Variants in ATP4A observed in about 807,000 individuals in gnomAD.
ATP4A encodes the protein potassium-transporting ATPase alpha chain 1.
A neutral mutation model predicts 112.1 loss-of-function variants in ATP4A; 73 were observed. The ratio of observed to expected loss-of-function variants is 0.65; its 90% CI spans 0.54 to 0.79. The LOEUF is 0.79. Ranked by LOEUF, ATP4A falls within the 30% of genes least tolerant of loss-of-function variation. The probability of loss-of-function intolerance (pLI) is 0.00; values close to 1 mark genes in which losing one functional copy is unlikely to be tolerated. For synonymous variants in ATP4A, 588 were observed against 588.9 expected (o/e 1.00, Z 0.02); for missense variants, 1,081 against 1,425.9 (o/e 0.76, Z 3.90).
chr19:35,557,775 C>T lies in ATP4A; in HGVS notation c.1573G>A (p.Val525Met). 6.3e-7 allele frequency: 1 copy of T among 1,585,050 alleles called. No individual in the cohort carries two copies. Among genetic ancestry groups the T allele is most frequent in the South Asian group, 1.1e-5 (1 of 89,706 alleles). ...AGGATGGAGCTGCAGCGCTCCAGCACGCGCTCGGGGGCGCCCTTCATCACC... is the reference window on the plus strand; with the variant it reads ...AGGATGGAGCTGCAGCGCTCCAGCATGCGCTCGGGGGCGCCCTTCATCACC... ...LLVMKGAPER[V>M]LERCSSILIK... The change falls in exon 11 of 22, where the codon GTG (valine) becomes ATG (methionine). Residue 525 changes from valine (V) to methionine (M), a missense_variant. Transcript: ENST00000262623. This position sits in a 1 kb window ranked among gnomAD's most constrained non-coding sequence, Gnocchi z 4.4.
At chr19:35,554,289 A>G (rs746108410) in intron 16 of ATP4A, among the ~76,000 whole-genome samples, 11 of 151,984 alleles carry the variant, frequency 7.2e-5, no homozygotes, top group Non-Finnish European at 1.6e-4. Flanking sequence ...GCTCAAGCTC[A>G]AGTCACAGCC....
chr19:35,550,685 C>G lies in ATP4A; in HGVS notation c.3080-42G>C. On this transcript the variant is annotated intron_variant, in intron 21 of 21. Transcript: ENST00000262623. This position sits in a 1 kb window ranked among gnomAD's most constrained non-coding sequence, Gnocchi z 4.1. ...GAAAGGAGACTCAGTGCTGGGGGTGCCACTTAGGCAGGGCCAGGGGCTCAG... is the reference window on the plus strand; with the variant it reads ...GAAAGGAGACTCAGTGCTGGGGGTGGCACTTAGGCAGGGCCAGGGGCTCAG... 6.2e-7 allele frequency: 1 copy of G among 1,613,444 alleles called. No homozygotes were observed. Among genetic ancestry groups the G allele is most frequent in the Non-Finnish European group, 8.5e-7 (1 of 1,179,598 alleles).
chr19:35,560,534 C>A lies in ATP4A; in HGVS notation c.616G>T (p.Gly206Cys). ...ATGTCGGCGGGCACTCTGTCCCCACCTTTCATCTCCACCAGGTCGCCCACC... is the reference window on the plus strand; with the variant it reads ...ATGTCGGCGGGCACTCTGTCCCCACATTTCATCTCCACCAGGTCGCCCACC... ...LVVGDLVEMK[G>C]GDRVPADIRI... The change falls in exon 6 of 22, where the codon GGT (glycine) becomes TGT (cysteine). Residue 206 changes from glycine (G) to cysteine (C), a missense_variant. By Grantham distance (159) the Gly-to-Cys change is radical. Around this residue, in one of 3 missense-constraint regions of ATP4A, gnomAD observed 850 missense variants for 1,068.2 expected, o/e 0.80. Transcript: ENST00000262623. This position sits in a 1 kb window ranked among gnomAD's most constrained non-coding sequence, Gnocchi z 5.1. The A allele has an allele frequency of 1.2e-6, 2 of 1,613,558 alleles. No homozygotes were observed. Among genetic ancestry groups the A allele is most frequent in the Non-Finnish European group, 1.7e-6 (2 of 1,180,002 alleles).
In ATP4A at chr19:35,560,028, A is replaced by G. The variant is rs767519233; in HGVS notation, c.833T>C (p.Ile278Thr). Reference sequence around the variant, plus strand: ...CGACGCCAGCGATGCGATGCGCCCAATGATGGTGCGGTCGCCCGTGTTCAC... The same window carrying G: ...CGACGCCAGCGATGCGATGCGCCCAGTGATGGTGCGGTCGCCCGTGTTCAC... ...LVVNTGDRTI[I>T]GRIASLASGV... is the part of the protein sequence containing the mutation. Residue 278 changes from isoleucine (I) to threonine (T), a missense_variant, in exon 7 of 22, where the codon ATT becomes ACT. Physicochemically the swap from Ile to Thr is moderately conservative, Grantham distance 89. Coordinates refer to ENST00000262623, the MANE Select transcript of ATP4A (RefSeq NM_000704.3). The surrounding 1 kb of genome is among the most constrained non-coding windows in gnomAD (Gnocchi z 5.1). 6 of 1,614,072 alleles carry G rather than the reference A, an allele frequency of 3.7e-6. No homozygotes were observed. Among genetic ancestry groups the G allele is most frequent in the Non-Finnish European group, 5.1e-6 (6 of 1,180,020 alleles).
intron 18 of ATP4A, 72 bp downstream of exon 18, chr19:35,552,965 G>A (rs2071609685): frequency 6.6e-7 from 1 of 1,505,214 alleles, no homozygotes; most frequent in Non-Finnish European, 9.0e-7. Context: ...AGGAACAAGT[G>A]GGCCGCACAC....
chr19:35,550,911 A>G lies in ATP4A; in HGVS notation c.3002T>C (p.Leu1001Pro). ...NFMPIRFQWW[L>P]VPLPYGILIF... ...GAGGATGCCGTAGGGCAGGGGGACC[A>G]GCCACCACTGGAACCTGAAGGCACA... The change falls in exon 21 of 22, where the codon CTG becomes CCG. Residue 1001 changes from leucine (L) to proline (P), a missense_variant. This residue lies in a region of ATP4A where 219 missense variants were observed against 320.9 expected (regional missense o/e 0.68). Coordinates refer to ENST00000262623, the MANE Select transcript of ATP4A (RefSeq NM_000704.3). This position sits in a 1 kb window ranked among gnomAD's most constrained non-coding sequence, Gnocchi z 4.1. The G allele has an allele frequency of 6.2e-7, 1 of 1,614,200 alleles. No individual in the cohort carries two copies. Among genetic ancestry groups the G allele is most frequent in the South Asian group, 1.1e-5 (1 of 91,080 alleles).
chr19:35,551,734 G>A lies in ATP4A; in HGVS notation c.2752-154C>T, dbSNP rs563711917. On this transcript the variant is annotated intron_variant, in intron 18 of 21. Coordinates refer to ENST00000262623, the MANE Select transcript of ATP4A (RefSeq NM_000704.3). This position sits in a 1 kb window ranked among gnomAD's most constrained non-coding sequence, Gnocchi z 5.2. ...GTGTGGGGGTGGGGGGAAGGAGAGAGGCAGGGTCTGCCAGGTGTGCAGGAC... is the reference window on the plus strand; with the variant it reads ...GTGTGGGGGTGGGGGGAAGGAGAGAAGCAGGGTCTGCCAGGTGTGCAGGAC... 1.3e-5 allele frequency among the ~76,000 whole-genome samples: 2 copies of A among 152,232 alleles called. No individual in the cohort carries two copies. Among genetic ancestry groups the A allele is most frequent in the South Asian group, 2.1e-4 (1 of 4,816 alleles).
In ATP4A at chr19:35,551,334, C is replaced by T. The variant is rs2071600567; in HGVS notation, c.2885+113G>A. 3 of 1,536,148 alleles carry T rather than the reference C, an allele frequency of 2.0e-6. No individual in the cohort carries two copies. The highest frequency in any genetic ancestry group is 2.7e-6 in the Non-Finnish European group (3 of 1,128,096). ...TTAGAAAGGTTTTTTTGGCATGTCACCATCTGGCACTGGCACCCGCTGGCA... is the reference window on the plus strand; with the variant it reads ...TTAGAAAGGTTTTTTTGGCATGTCATCATCTGGCACTGGCACCCGCTGGCA... On this transcript the variant is annotated intron_variant, in intron 19 of 21. Coordinates refer to ENST00000262623, the MANE Select transcript of ATP4A (RefSeq NM_000704.3). The surrounding 1 kb of genome is among the most constrained non-coding windows in gnomAD (Gnocchi z 5.2).
chr19:35,555,558 T>A lies in ATP4A; in HGVS notation c.2039A>T (p.Gln680Leu), dbSNP rs61729956. ...DARACVINGM[Q>L]LKDMDPSELV... is the part of the protein sequence containing the mutation. ...TTCCGATGGGTCCATGTCCTTCAGC[T>A]GCATGCCATTGATCACACAGGCACG... Residue 680 changes from glutamine to leucine, a missense_variant, in exon 14 of 22, where the codon CAG becomes CTG. Physicochemically the swap from Gln to Leu is moderately radical, Grantham distance 113 (BLOSUM62 -2). Coordinates refer to ENST00000262623, the MANE Select transcript of ATP4A (RefSeq NM_000704.3). The surrounding 1 kb of genome is among the most constrained non-coding windows in gnomAD (Gnocchi z 6.6). 9,470 of 1,588,750 alleles carry A rather than the reference T, an allele frequency of 6.0e-3. 40 individuals are homozygous for A. Among genetic ancestry groups the A allele is most frequent in the Non-Finnish European group, 7.5e-3 (8,715 of 1,162,414 alleles).
At chr19:35,554,332 T>C (rs532266671) in intron 16 of ATP4A, among the ~76,000 whole-genome samples, 2 of 152,170 alleles carry the variant, frequency 1.3e-5, no homozygotes, top group East Asian at 3.9e-4. Context: ...CCTGGGACAA[T>C]CCACTCTACC....
chr19:35,559,785 C>T lies in ATP4A; in HGVS notation c.1056+20G>A, dbSNP rs1272202172. On this transcript the variant is annotated intron_variant, in intron 7 of 21. Transcript: ENST00000262623. This position sits in a 1 kb window ranked among gnomAD's most constrained non-coding sequence, Gnocchi z 4.1. ...GAGCAGGCCCCTCAGCTCCCTGCAT[C>T]CCCGCCTGCCCCCACTCACTGTGAC... 8 of 1,610,494 alleles carry T rather than the reference C, an allele frequency of 5.0e-6. No homozygotes were observed. The highest frequency in any genetic ancestry group is 2.5e-6 in the Non-Finnish European group (3 of 1,177,546).
At position 35,550,437 on chromosome 19, in the gene ATP4A, G is replaced by T. The variant is rs2071594720; in HGVS notation, c.*178C>A. 1 of 768,540 alleles carries T rather than the reference G, an allele frequency of 1.3e-6. No individual in the cohort carries two copies. Among genetic ancestry groups the T allele is most frequent in the Non-Finnish European group, 2.1e-6 (1 of 482,550 alleles). The allele number at this position is 768,540 out of a possible 1,614,324, so 47.6% of individuals were successfully genotyped here. A position where few individuals can be genotyped will look rare whatever the true frequency, so the allele number is the denominator to read the frequency against. ...TCCAGGAGGTGCGAACCTTGGGAAT[G>T]GGGGAGGGGAGTGGGCAGGTCCCTC... is the stretch of plus-strand genomic sequence containing the variant. On this transcript the variant is annotated 3_prime_UTR_variant, in exon 22 of 22. Coordinates refer to ENST00000262623, the MANE Select transcript of ATP4A (RefSeq NM_000704.3). This position sits in a 1 kb window ranked among gnomAD's most constrained non-coding sequence, Gnocchi z 4.1.
Position 35,563,212 on chromosome 19 carries a change from G to A in ATP4A, c.213C>T (p.Thr71=), listed in dbSNP as rs1332227699. 1 of 1,613,526 alleles carries A rather than the reference G, an allele frequency of 6.2e-7. No homozygotes were observed. Among genetic ancestry groups the A allele is most frequent in the Admixed American group, 1.7e-5 (1 of 59,964 alleles). ...ACGCTCCCAGTCTCCAGCTCACCTTGGTGGCACTGGTCTGGTATTTCTGTT... is the reference window on the plus strand; with the variant it reads ...ACGCTCCCAGTCTCCAGCTCACCTTAGTGGCACTGGTCTGGTATTTCTGTT... The part of the protein sequence containing the change: ...ELEQKYQTSA[T]KGLSASLAAE... The change falls in exon 3 of 22, where the codon ACC becomes ACT. Residue 71 remains threonine, a synonymous_variant. Coordinates refer to ENST00000262623, the MANE Select transcript of ATP4A (RefSeq NM_000704.3).
intron 3 of ATP4A, 114 bp downstream of exon 3, chr19:35,563,095 T>A: frequency 3.1e-6 from 3 of 968,614 alleles, no homozygotes; most frequent in Middle Eastern, 3.9e-4. Context: ...TTTCTCCATA[T>A]CTTCCTCTCT....
rs749843689 is a variant in ATP4A, at chr19:35,558,971, C to G, written c.1255+22G>C. 1.2e-6 allele frequency: 2 copies of G among 1,613,556 alleles called. No individual in the cohort carries two copies. The highest frequency in any genetic ancestry group is 1.7e-6 in the Non-Finnish European group (2 of 1,179,574). On this transcript the variant is annotated intron_variant, in intron 8 of 21. Transcript: ENST00000262623. This position sits in a 1 kb window ranked among gnomAD's most constrained non-coding sequence, Gnocchi z 5.1. Reference sequence around the variant, plus strand: ...CATCCACCAGATCCTGCCCTGGCGCCTGTGCCCTCCCTCCCCCACACCTGA... The same window carrying G: ...CATCCACCAGATCCTGCCCTGGCGCGTGTGCCCTCCCTCCCCCACACCTGA...
chr19:35,555,233 G>A lies in ATP4A; in HGVS notation c.2259C>T (p.Ala753=). The change falls in exon 15 of 22, where the codon GCC becomes GCT. Residue 753 remains alanine, a synonymous_variant. Transcript: ENST00000262623. The surrounding 1 kb of genome is among the most constrained non-coding windows in gnomAD (Gnocchi z 6.6). ...VAMGIAGSDA[A]KNAADMILLD... ...GCAGGATCATGTCAGCTGCATTTTT[G>A]GCAGCATCTGAGCCAGCGATGCCCA... is the stretch of plus-strand genomic sequence containing the variant. 6.2e-7 allele frequency: 1 copy of A among 1,614,130 alleles called. No individual in the cohort carries two copies. The highest frequency in any genetic ancestry group is 1.3e-5 in the African/African-American group (1 of 75,018).
chr19:35,554,254 A>G (rs1394082664), intron 16 of ATP4A, among the ~76,000 whole-genome samples: 1 of 150,928 alleles, frequency 6.6e-6, no homozygotes, highest in African/African-American at 2.4e-5. Flanking sequence ...ACTGACCACG[A>G]CCACAGGCTG....
chr19:35,557,910 G>T lies in ATP4A; in HGVS notation c.1501-63C>A. On this transcript the variant is annotated intron_variant, in intron 10 of 21. Coordinates refer to ENST00000262623, the MANE Select transcript of ATP4A (RefSeq NM_000704.3). This position sits in a 1 kb window ranked among gnomAD's most constrained non-coding sequence, Gnocchi z 4.4. The stretch of plus-strand genomic sequence containing the variant: ...GAACGGGGCGGGGCTGTGGACGAGG[G>T]AACGGGGCGGGGCTGAGGAGAGGGG... 2.0e-6 allele frequency: 1 copy of T among 507,628 alleles called. No individual in the cohort carries two copies. Among genetic ancestry groups the T allele is most frequent in the Non-Finnish European group, 3.1e-6 (1 of 322,084 alleles). The allele number at this position is 507,628 out of a possible 1,614,324, so 31.4% of individuals were successfully genotyped here. A position where few individuals can be genotyped will look rare whatever the true frequency, so the allele number is the denominator to read the frequency against.
intron 17 of ATP4A, among the ~76,000 whole-genome samples, 199 bp from the exon 18 acceptor site, chr19:35,553,381 GACAC>G (rs1047485324): frequency 6.6e-6 from 1 of 152,084 alleles, no homozygotes; most frequent in African/African-American, 2.4e-5. Flanking sequence ...CAGTGACAGA[GACAC>G]AGAGGCAGAG....
Sources: gnomAD v4.1 joint callset for allele counts (sites outside exome capture counted in the v4.1 genomes callset) on GRCh38, gnomAD v4.1.1 for gene constraint, gnomAD v4.1.1 regional missense constraint, Gnocchi (gnomAD v3.1) non-coding constraint, MANE v1.5 for transcripts, NCBI Gene and HGNC (gene_info 2026-07-23, HGNC 2026-07-21) for gene names.